The following DBNDD1 variants were observed in gnomAD, a reference collection of about 807,000 sequenced individuals.
DBNDD1 encodes the protein dysbindin domain containing 1.
Under a neutral mutation model 17.0 loss-of-function variants are expected in DBNDD1, and 14 were observed. The observed-to-expected ratio is 0.82, with a 90% CI of 0.54 to 1.29. The LOEUF is 1.29. DBNDD1 is among the 50% of genes most tolerant of loss of function. The pLI is 0.00. For synonymous variants in DBNDD1, 105 were observed against 102.0 expected (o/e 1.03, Z -0.18); for missense variants, 221 against 216.2 (o/e 1.02, Z -0.14).
intron 3 of DBNDD1, 35 bp from the exon 4 acceptor site, chr16:90,006,527 T>C (rs2035430807): frequency 1.1e-5 from 18 of 1,588,466 alleles, no homozygotes; most frequent in Non-Finnish European, 1.4e-5. Flanking sequence ...TCGGTGTGGC[T>C]GAGAGGCCTG....
rs2035715707 is a variant in DBNDD1 at position 90,019,179 on chromosome 16, G to C, written c.31+132C>G. 2.5e-6 allele frequency: 1 copy of C among 393,592 alleles called. No homozygotes were observed. Among genetic ancestry groups the C allele is most frequent in the South Asian group, 1.2e-4 (1 of 8,004 alleles). 24.4% of individuals were successfully genotyped at this position (393,592 alleles called of 1,614,324 possible). On this transcript the variant is annotated intron_variant, in intron 1 of 3. Coordinates refer to ENST00000002501, the MANE Select transcript of DBNDD1 (RefSeq NM_001042610.3). This position sits in a 1 kb window ranked among gnomAD's most constrained non-coding sequence, Gnocchi z 6.1. ...GCCCGGGAGGTGCCCCTGGCCCGCC[G>C]GACGACCCCGAGCTGCCAAAGGGGT...
At position 90,019,376 on chromosome 16, in the gene DBNDD1, G is replaced by C. The variant is rs2035725775; in HGVS notation, c.-35C>G. 1 of 1,204,892 alleles carries C rather than the reference G, an allele frequency of 8.3e-7. No homozygotes were observed. Among genetic ancestry groups the C allele is most frequent in the Non-Finnish European group, 1.0e-6 (1 of 969,594 alleles). The allele number at this position is 1,204,892 out of a possible 1,614,324, so 74.6% of individuals were successfully genotyped here. A position where few individuals can be genotyped will look rare whatever the true frequency, so the allele number is the denominator to read the frequency against. On this transcript the variant is annotated 5_prime_UTR_variant, in exon 1 of 4. Coordinates refer to ENST00000002501, the MANE Select transcript of DBNDD1 (RefSeq NM_001042610.3). The surrounding 1 kb of genome is among the most constrained non-coding windows in gnomAD (Gnocchi z 6.1). ...GCGGTCTGGGAGGGGCACGGGCGAC[G>C]GCGGCGTCGCCTGGCCCGGGCGCCC...
rs2035420374 is a variant in DBNDD1 at position 90,006,236 on chromosome 16, T to C, written c.*99A>G. The C allele has an allele frequency of 6.9e-7, 1 of 1,446,882 alleles. No individual in the cohort carries two copies. Among genetic ancestry groups the C allele is most frequent in the Admixed American group, 2.2e-5 (1 of 45,790 alleles). 89.6% of individuals were successfully genotyped at this position (1,446,882 alleles called of 1,614,324 possible). On this transcript the variant is annotated 3_prime_UTR_variant, in exon 4 of 4. Coordinates refer to ENST00000002501, the MANE Select transcript of DBNDD1 (RefSeq NM_001042610.3). Reference sequence around the variant, plus strand: ...GTGTCAGGAGGTGACGGCTGGAGCCTCGTGGGCGGGTGAAGTGTGTCTGCT... The same window carrying C: ...GTGTCAGGAGGTGACGGCTGGAGCCCCGTGGGCGGGTGAAGTGTGTCTGCT...
In DBNDD1 at chr16:90,006,066, G is replaced by A. The variant is rs1327809964; in HGVS notation, c.*269C>T. ...AACGAGCTGGACGTAAGGCCACTGG[G>A]CTGTGCTTGTGCTGGGGCTCCCAGA... On this transcript the variant is annotated 3_prime_UTR_variant, in exon 4 of 4. Coordinates refer to ENST00000002501, the MANE Select transcript of DBNDD1 (RefSeq NM_001042610.3). 4 of 442,010 alleles carry A rather than the reference G, an allele frequency of 9.0e-6. No individual in the cohort carries two copies. The highest frequency in any genetic ancestry group is 3.9e-5 in the African/African-American group (2 of 51,356). The allele number at this position is 442,010 out of a possible 1,614,324, so 27.4% of individuals were successfully genotyped here.
rs897275040 is a variant in DBNDD1, at chr16:90,009,110, T to C, written c.178+174A>G. ...ATACTCATGACTAGAAGGCTTTCACTTGACAGATGGTGCAGCTGAGGCTCA... is the reference window on the plus strand; with the variant it reads ...ATACTCATGACTAGAAGGCTTTCACCTGACAGATGGTGCAGCTGAGGCTCA... On this transcript the variant is annotated intron_variant, in intron 2 of 3. Transcript: ENST00000002501. 18 of 1,228,160 alleles carry C rather than the reference T, an allele frequency of 1.5e-5. No individual in the cohort carries two copies. In the African/African-American group the frequency reaches 2.8e-4, roughly 19 times the overall value. The allele number at this position is 1,228,160 out of a possible 1,614,324, so 76.1% of individuals were successfully genotyped here.
intron 1 of DBNDD1, among the ~76,000 whole-genome samples, chr16:90,016,136 C>A (rs1186016291): frequency 6.6e-6 from 1 of 152,188 alleles, no homozygotes; most frequent in Admixed American, 6.5e-5. Flanking sequence ...CCAGGCACAG[C>A]CCCAGAGCAG....
At chr16:90,006,900 G>T (rs1243745917) in intron 3 of DBNDD1, 6 of 175,748 alleles carry the variant, frequency 3.4e-5, no homozygotes, top group Admixed American at 2.7e-4. Context: ...GTGTGTCCCC[G>T]GCCTCTTGGA....
chr16:90,018,976 C>G (rs1042707360), intron 1 of DBNDD1, among the ~76,000 whole-genome samples: 2 of 152,228 alleles, frequency 1.3e-5, no homozygotes, highest in African/African-American at 4.8e-5. Flanking sequence ...ACTCCAGCCC[C>G]GGAACCCCCC....
upstream of DBNDD1, chr16:90,019,657 C>T (rs1271853685): frequency 2.2e-6 from 1 of 444,854 alleles, no homozygotes; most frequent in Non-Finnish European, 3.9e-6. The surrounding 1 kb of genome is among the most constrained non-coding windows in gnomAD (Gnocchi z 6.1). Context: ...CGCGCCCCGC[C>T]GCGGACACCA....
At chr16:90,015,005 CA>C (rs35736879) in intron 1 of DBNDD1, among the ~76,000 whole-genome samples, 163 of 140,522 alleles carry the variant, frequency 1.2e-3, no homozygotes, top group Middle Eastern at 3.6e-3. Context: ...ACTCTTGTTT[CA>C]AAAAAAAAAA....
chr16:90,015,252 A>G (rs9936215), intron 1 of DBNDD1, among the ~76,000 whole-genome samples: 39,978 of 151,942 alleles, frequency 0.26, 6,213 homozygotes, highest in Non-Finnish European at 0.36. Context: ...TCAGGACACG[A>G]ATTTTTTGGC....
intron 1 of DBNDD1, among the ~76,000 whole-genome samples, chr16:90,017,769 A>C (rs1397834084): frequency 6.6e-6 from 1 of 152,232 alleles, no homozygotes; most frequent in African/African-American, 2.4e-5. Context: ...GCCACTTTGC[A>C]GACAAGGAAA....
chr16:90,019,301 C>G lies in DBNDD1; in HGVS notation c.31+10G>C. 1 of 1,218,248 alleles carries G rather than the reference C, an allele frequency of 8.2e-7. No homozygotes were observed. The allele number at this position is 1,218,248 out of a possible 1,614,324, so 75.5% of individuals were successfully genotyped here. ...TGCGCGGGGGTCTCGGGGGCTGGGG[C>G]TGAACTCACCTCCGGTGCCGGCGCC... On this transcript the variant is annotated intron_variant, in intron 1 of 3. Transcript: ENST00000002501. This position sits in a 1 kb window ranked among gnomAD's most constrained non-coding sequence, Gnocchi z 6.1.
chr16:90,016,625 C>T (rs1004985051), intron 1 of DBNDD1, among the ~76,000 whole-genome samples: 7 of 152,166 alleles, frequency 4.6e-5, no homozygotes, highest in East Asian at 3.9e-4. Flanking sequence ...AGCACCTCAG[C>T]GAGGGAGCCA....
Position 90,009,272 on chromosome 16 carries a change from A to AGC in DBNDD1, c.178+10_178+11dup. 1 of 1,612,586 alleles carries AGC rather than the reference A, an allele frequency of 6.2e-7. No individual in the cohort carries two copies. The highest frequency in any genetic ancestry group is 8.5e-7 in the Non-Finnish European group (1 of 1,179,782). On this transcript the variant is annotated intron_variant, in intron 2 of 3. Coordinates refer to ENST00000002501, the MANE Select transcript of DBNDD1 (RefSeq NM_001042610.3). ...TCCCCATAGCGTGCGCTGGGCAGGG[A>AGC]GCAGTACTTACGCCTCCTCTCCGTG...
chr16:90,018,687 C>G (rs970228380), intron 1 of DBNDD1, among the ~76,000 whole-genome samples: 1 of 152,242 alleles, frequency 6.6e-6, no homozygotes, highest in East Asian at 1.9e-4. Flanking sequence ...GGGCCTCCAC[C>G]ATCAGGGCAG....
At chr16:90,016,787 C>G (rs1333656873) in intron 1 of DBNDD1, among the ~76,000 whole-genome samples, 1 of 152,218 alleles carries the variant, frequency 6.6e-6, no homozygotes, top group Non-Finnish European at 1.5e-5. Flanking sequence ...GGGCCCCGTC[C>G]AGAGCATCGA....
chr16:90,010,174 T>G (rs1407807667), intron 1 of DBNDD1: 1 of 806,000 alleles, frequency 1.2e-6, no homozygotes, highest in Middle Eastern at 2.9e-4. Flanking sequence ...TCCCCCTGAG[T>G]AGATGGGATT....
At chr16:90,006,806 T>TC (rs1001702543) in intron 3 of DBNDD1, 2 of 287,474 alleles carry the variant, frequency 7.0e-6, no homozygotes, top group Non-Finnish European at 1.4e-5. Flanking sequence ...CCTAAACTGT[T>TC]CCCCCCGCAG....
Sources: gnomAD v4.1 joint callset for allele counts (sites outside exome capture counted in the v4.1 genomes callset) on GRCh38, gnomAD v4.1.1 for gene constraint, Gnocchi (gnomAD v3.1) non-coding constraint, MANE v1.5 for transcripts, NCBI Gene and HGNC (gene_info 2026-07-23, HGNC 2026-07-21) for gene names.